Variants in TRAP1 observed in about 807,000 individuals in gnomAD.
TRAP1 encodes heat shock protein 75 kDa, mitochondrial.
In TRAP1, 102 loss-of-function variants were observed where a neutral mutation model predicts 89.1. That is an observed-to-expected ratio of 1.15 (90% CI 0.98 to 1.35). TRAP1 has a LOEUF of 1.35. Ranked by LOEUF, TRAP1 falls within the 40% of genes most tolerant of loss-of-function variation. The probability of loss-of-function intolerance (pLI) is 0.00; values close to 1 mark genes in which losing one functional copy is unlikely to be tolerated. For synonymous variants in TRAP1, 508 were observed against 388.0 expected, an observed-to-expected ratio of 1.31 and a Z score of -3.64; for missense variants, 1,256 against 945.3, an observed-to-expected ratio of 1.33 and a Z score of -4.31.
At chr16:3,695,537 A>G (rs1257857786) in intron 1 of TRAP1, among the ~76,000 whole-genome samples, 4 of 126,234 alleles carry the variant, frequency 3.2e-5, no homozygotes, top group South Asian at 2.2e-4. Context: ...CTCTGTCTCG[A>G]AAAAAAAAAA....
intron 1 of TRAP1, among the ~76,000 whole-genome samples, chr16:3,698,679 G>A (rs148509693): frequency 0.044 from 6,726 of 152,002 alleles, 184 homozygotes; most frequent in Admixed American, 0.06. Context: ...GGCCAAGGCC[G>A]GGGGGTCGCT....
chr16:3,658,159 C>T lies in TRAP1; in HGVS notation c.2085G>A (p.Glu695=), dbSNP rs1596665315. ...GTCGCTCCAGGGCCTTGACAAGCAG[C>T]TCATTCAAGCGGCCCACCATGGCCC... The part of the protein sequence containing the change: ...DPRAMVGRLN[E]LLVKALERH The change falls in exon 18 of 18, where the codon GAG becomes GAA. Residue 695 remains glutamate, a synonymous_variant. Transcript: ENST00000246957. 1.9e-6 allele frequency: 3 copies of T among 1,613,976 alleles called. No individual in the cohort carries two copies. In the East Asian group the frequency reaches 6.7e-5, roughly 36 times the overall value.
intron 1 of TRAP1, chr16:3,704,322 C>T (rs1273163759): frequency 2.0e-5 from 3 of 152,080 alleles, no homozygotes; most frequent in Admixed American, 6.6e-5. Flanking sequence ...CGAGCCTAGG[C>T]GACAGCACGA....
intron 17 of TRAP1, 174 bp from the exon 18 acceptor site, chr16:3,658,404 G>C (rs2042849995): frequency 1.6e-6 from 1 of 625,186 alleles, no homozygotes; most frequent in Non-Finnish European, 2.8e-6. Flanking sequence ...ACAGGCGTGA[G>C]CCACCACGCC....
In TRAP1 at chr16:3,665,809, C is replaced by A. The variant is rs866669860; in HGVS notation, c.1383+162G>T. Among the ~76,000 whole-genome samples the A allele has an allele frequency of 2.0e-5, 3 of 152,128 alleles. No homozygotes were observed. The South Asian group carries it at 6.2e-4, about 32-fold the overall frequency. On this transcript the variant is annotated intron_variant, in intron 12 of 17. Coordinates refer to ENST00000246957, the MANE Select transcript of TRAP1 (RefSeq NM_016292.3). ...GATGTGCCTGGAAGGTGCCAGAGGCCCAGAAGCCTGGCCTTCCATTTCCTG... is the reference window on the plus strand; with the variant it reads ...GATGTGCCTGGAAGGTGCCAGAGGCACAGAAGCCTGGCCTTCCATTTCCTG...
intron 1 of TRAP1, among the ~76,000 whole-genome samples, chr16:3,707,180 A>G (rs2051458897): frequency 1.3e-5 from 2 of 151,326 alleles, no homozygotes; most frequent in South Asian, 4.2e-4. Flanking sequence ...ATTTAAGAGG[A>G]AATCTTTTTT....
intron 16 of TRAP1, 31 bp downstream of exon 16, chr16:3,661,956 C>A: frequency 6.4e-7 from 1 of 1,564,224 alleles, no homozygotes; most frequent in Non-Finnish European, 8.7e-7. Context: ...GGGAATCCCA[C>A]AGGCTGGAAG....
intron 1 of TRAP1, among the ~76,000 whole-genome samples, chr16:3,697,066 C>T (rs949332966): frequency 2.6e-5 from 4 of 152,152 alleles, no homozygotes; most frequent in African/African-American, 9.7e-5. Flanking sequence ...ACTGCCAAGT[C>T]ACACTCCACA....
intron 1 of TRAP1, among the ~76,000 whole-genome samples, chr16:3,705,576 A>G (rs1179796208): frequency 6.6e-6 from 1 of 152,190 alleles, no homozygotes; most frequent in African/African-American, 2.4e-5. Context: ...TTTGGGGTTC[A>G]TCCACATATA....
chr16:3,685,635 C>T (rs751606280), intron 4 of TRAP1, among the ~76,000 whole-genome samples: 4 of 152,054 alleles, frequency 2.6e-5, no homozygotes, highest in Non-Finnish European at 4.4e-5. Context: ...AGCACTGCTT[C>T]GTCGGCATTT....
intron 1 of TRAP1, among the ~76,000 whole-genome samples, chr16:3,716,191 A>G (rs527393196): frequency 6.6e-6 from 1 of 152,204 alleles, no homozygotes; most frequent in African/African-American, 2.4e-5. Context: ...TTGAAAAGAC[A>G]TAAGATTCAG....
chr16:3,716,937 T>A (rs907807261), intron 1 of TRAP1, among the ~76,000 whole-genome samples: 3 of 152,178 alleles, frequency 2.0e-5, no homozygotes, highest in South Asian at 2.1e-4. Flanking sequence ...GGCGCTCACA[T>A]GTGCGTCCAA....
At chr16:3,672,970 GC>G in intron 9 of TRAP1, 150 bp from the exon 10 acceptor site, 1 of 1,119,736 alleles carries the variant, frequency 8.9e-7, no homozygotes, top group South Asian at 1.7e-5. Context: ...CAGTGCAGGG[GC>G]CCCACGATGC....
chr16:3,691,123 C>G, intron 1 of TRAP1, 138 bp from the exon 2 acceptor site: 2 of 769,914 alleles, frequency 2.6e-6, no homozygotes, highest in Non-Finnish European at 3.7e-6. Flanking sequence ...GAGAAATCCA[C>G]AGGACCAAAT....
rs574167229 is a variant in TRAP1 at position 3,711,616 on chromosome 16, A to C, written c.88+5805T>G. ...TCCATCTTGAAAAAAACAAAAAAAA[A>C]ACAAAAACCAAAACAAAAACAAAAA... On this transcript the variant is annotated intron_variant, in intron 1 of 17. Coordinates refer to ENST00000246957, the MANE Select transcript of TRAP1 (RefSeq NM_016292.3). Among the ~76,000 whole-genome samples, 7 of 152,170 alleles carry C rather than the reference A, an allele frequency of 4.6e-5. No homozygotes were observed. In the South Asian group the frequency reaches 6.2e-4, roughly 14 times the overall value.
chr16:3,688,696 C>G (rs2051171189), intron 3 of TRAP1, among the ~76,000 whole-genome samples: 1 of 152,108 alleles, frequency 6.6e-6, no homozygotes, highest in Non-Finnish European at 1.5e-5. Flanking sequence ...GTTGACCAGG[C>G]TGGTCTCAAA....
At chr16:3,693,081 T>C (rs376154287) in intron 1 of TRAP1, among the ~76,000 whole-genome samples, 3 of 152,084 alleles carry the variant, frequency 2.0e-5, no homozygotes, top group South Asian at 4.1e-4. Context: ...GCCTCCAAAG[T>C]AGCTGGGACT....
chr16:3,701,730 G>A lies in TRAP1; in HGVS notation c.89-10745C>T, dbSNP rs184850900. ...CACAGAGAAGGGTGCGTCCCTGAGG[G>A]AATATGTACATCTGCACTTACTACA... On this transcript the variant is annotated intron_variant, in intron 1 of 17. Transcript: ENST00000246957. 6.6e-5 allele frequency among the ~76,000 whole-genome samples: 10 copies of A among 152,208 alleles called. No homozygotes were observed. The East Asian group carries it at 1.9e-3, about 29-fold the overall frequency.
intron 9 of TRAP1, among the ~76,000 whole-genome samples, chr16:3,673,427 ACCT>A (rs2050942555): frequency 1.3e-5 from 2 of 152,112 alleles, no homozygotes; most frequent in Non-Finnish European, 2.9e-5. Flanking sequence ...GCCTGCCAAC[ACCT>A]GCTCCACACT....
Sources: allele counts gnomAD v4.1 joint callset (sites outside exome capture counted in the v4.1 genomes callset), GRCh38; gene constraint gnomAD v4.1.1; transcripts MANE v1.5; gene names NCBI Gene and HGNC (gene_info 2026-07-23, HGNC 2026-07-21).